JAKMIP3: variants seen among roughly 807,000 people sequenced by gnomAD.
JAKMIP3 encodes janus kinase and microtubule-interacting protein 3.
JAKMIP3 carries 58 observed loss-of-function variants against 118.5 expected under a neutral mutation model. That is an observed-to-expected ratio of 0.49 (90% CI 0.40 to 0.61). JAKMIP3 has a LOEUF of 0.61. Among genes scored for constraint, JAKMIP3 ranks in the 20% least tolerant of loss-of-function variants. The pLI, the probability that JAKMIP3 is intolerant of heterozygous loss-of-function variation, is 0.00. For synonymous variants in JAKMIP3, 486 were observed against 451.2 expected, an observed-to-expected ratio of 1.08 and a Z score of -0.98; for missense variants, 950 against 1,109.0, an observed-to-expected ratio of 0.86 and a Z score of 2.04.
chr10:132,180,697 G>A (rs780909568), intron 23 of JAKMIP3, among the ~76,000 whole-genome samples: 1 of 27,130 alleles, frequency 3.7e-5, no homozygotes, highest in Non-Finnish European at 7.0e-5. Flanking sequence ...GTGTGCGTGC[G>A]TGTGTGTGTG....
At chr10:132,096,394 C>T (rs979648734) in intron 1 of JAKMIP3, among the ~76,000 whole-genome samples, 1 of 152,178 alleles carries the variant, frequency 6.6e-6, no homozygotes, top group Non-Finnish European at 1.5e-5. Flanking sequence ...GAGAGTGACT[C>T]ATACAACATG....
chr10:132,149,139 C>T (rs531412091), intron 14 of JAKMIP3, among the ~76,000 whole-genome samples: 142 of 152,228 alleles, frequency 9.3e-4, no homozygotes, highest in African/African-American at 3.3e-3. Context: ...CCCGTGGGCT[C>T]AGGGTGGGAC....
At chr10:132,080,083 C>T (rs540993793) in intron 1 of JAKMIP3, among the ~76,000 whole-genome samples, 39 of 152,292 alleles carry the variant, frequency 2.6e-4, no homozygotes, top group Non-Finnish European at 5.1e-4. Context: ...AGGAGGCTGA[C>T]GCAGGATAAT....
chr10:132,095,426 G>A (rs996390758), intron 1 of JAKMIP3, among the ~76,000 whole-genome samples: 2 of 152,102 alleles, frequency 1.3e-5, no homozygotes, highest in African/African-American at 2.4e-5. Context: ...CCTGTATTTC[G>A]CTCGACTCAG....
At chr10:132,152,931 GCAC>G (rs2056475561) in intron 16 of JAKMIP3, 24 bp from the exon 17 acceptor site, 11 of 1,577,170 alleles carry the variant, frequency 7.0e-6, no homozygotes, top group Non-Finnish European at 9.5e-6. Flanking sequence ...GCTTCTGACC[GCAC>G]CTGTGTTCTG....
At chr10:132,172,951 TTC>T (rs1243040790) in intron 23 of JAKMIP3, among the ~76,000 whole-genome samples, 1 of 125,664 alleles carries the variant, frequency 8.0e-6, no homozygotes, top group Non-Finnish European at 1.7e-5. Context: ...CTCTACTTCC[TTC>T]TCTCTCTCCT....
Position 132,133,439 on chromosome 10 carries a change from G to C in JAKMIP3, c.761G>C (p.Arg254Pro). The C allele has an allele frequency of 6.3e-7, 1 of 1,589,820 alleles. No individual in the cohort carries two copies. The highest frequency in any genetic ancestry group is 8.6e-7 in the Non-Finnish European group (1 of 1,168,702). ...CTAGATGAGCAGCTGTCCCAGGTCC[G>C]AGAGGCCGACCGGCACCCGGGCAGC... ...EALDEQLSQV[R>P]EADRHPGSPR... The change falls in exon 4 of 24, where the codon CGA (arginine) becomes CCA (proline). Residue 254 changes from arginine (R) to proline (P), a missense_variant. Physicochemically the swap from Arg to Pro is moderately radical, Grantham distance 103. Coordinates refer to ENST00000684848, the MANE Select transcript of JAKMIP3 (RefSeq NM_001323087.2).
chr10:132,156,801 C>T (rs560709826), intron 19 of JAKMIP3, among the ~76,000 whole-genome samples: 5 of 152,208 alleles, frequency 3.3e-5, no homozygotes, highest in African/African-American at 9.6e-5. Context: ...AAGGATTATG[C>T]GGAGGTTTTT....
Position 132,145,588 on chromosome 10 carries a change from C to A in JAKMIP3, c.1749+8C>A. The A allele has an allele frequency of 6.4e-7, 1 of 1,559,096 alleles. No individual in the cohort carries two copies. The highest frequency in any genetic ancestry group is 8.7e-7 in the Non-Finnish European group (1 of 1,151,688). ...CAAGAGCTTGTGGAAAAGGTGAGCCCCGAACCCCTGGAGGCCCTGGCAGGA... is the reference window on the plus strand; with the variant it reads ...CAAGAGCTTGTGGAAAAGGTGAGCCACGAACCCCTGGAGGCCCTGGCAGGA... On this transcript the variant is annotated splice_region_variant and intron_variant, in intron 13 of 23. Transcript: ENST00000684848.
chr10:132,130,324 C>T (rs2050330714), intron 3 of JAKMIP3, among the ~76,000 whole-genome samples: 1 of 152,260 alleles, frequency 6.6e-6, no homozygotes, highest in African/African-American at 2.4e-5. Context: ...TTAAGACCCT[C>T]TGTGCTAGGA....
At chr10:132,132,833 A>G (rs2818392) in intron 3 of JAKMIP3, among the ~76,000 whole-genome samples, 115,889 of 152,222 alleles carry the variant, frequency 0.76, 45,438 homozygotes, top group East Asian at 0.99. Context: ...CTTTCAGGCC[A>G]GAATTTCTGT....
chr10:132,157,825 A>G (rs919010744), intron 19 of JAKMIP3, among the ~76,000 whole-genome samples: 1 of 152,168 alleles, frequency 6.6e-6, no homozygotes, highest in African/African-American at 2.4e-5. Context: ...GACATGGCAA[A>G]TATTTCACCC....
chr10:132,169,111 G>A (rs1332195155), intron 23 of JAKMIP3, 78 bp downstream of exon 23: 3 of 152,602 alleles, frequency 2.0e-5, no homozygotes, highest in African/African-American at 7.2e-5. Flanking sequence ...TCACACCTCT[G>A]TGTCCCCGTC....
intron 3 of JAKMIP3, among the ~76,000 whole-genome samples, chr10:132,125,727 A>G (rs532485384): frequency 6.6e-6 from 1 of 152,330 alleles, no homozygotes; most frequent in South Asian, 2.1e-4. Context: ...TTAACGTTTC[A>G]TGCTATTATA....
chr10:132,158,624 G>A (rs1021546474), intron 19 of JAKMIP3, among the ~76,000 whole-genome samples: 4 of 150,910 alleles, frequency 2.7e-5, no homozygotes, highest in Non-Finnish European at 5.9e-5. Flanking sequence ...AGATGCTGTG[G>A]GAGGAGCATC....
chr10:132,080,624 C>T (rs536001821), intron 1 of JAKMIP3, among the ~76,000 whole-genome samples: 3 of 145,698 alleles, frequency 2.1e-5, no homozygotes, highest in African/African-American at 7.6e-5. Context: ...CAGGTTCAAG[C>T]GATTCTCCTG....
At chr10:132,110,275 C>A (rs1349994810) in intron 2 of JAKMIP3, among the ~76,000 whole-genome samples, 1 of 152,234 alleles carries the variant, frequency 6.6e-6, no homozygotes, top group Non-Finnish European at 1.5e-5. Context: ...CATCTGGTGG[C>A]CTCCACCAGC....
rs2818384 is a variant in JAKMIP3, at chr10:132,147,990, C to T, written c.1788C>T (p.His596=). 0.59 allele frequency: 946,267 copies of T among 1,607,308 alleles called. 288,033 individuals carry two copies. The highest frequency in any genetic ancestry group is 0.77 in the Admixed American group (45,856 of 59,428). Residue 596 remains histidine, a synonymous_variant, in exon 14 of 24, where the codon CAC becomes CAT. Transcript: ENST00000684848. ...QMETEEARLR[H]EVQDARDQNE... ...AGACGGAAGAGGCTCGGCTCAGACA[C>T]GAGGTGCAGGACGCCAGAGACCAAA...
At chr10:132,106,541 T>G in intron 2 of JAKMIP3, among the ~76,000 whole-genome samples, 1 of 152,054 alleles carries the variant, frequency 6.6e-6, no homozygotes, top group East Asian at 1.9e-4. Flanking sequence ...TGCTGAGGCT[T>G]CGGGGCACAG....
Sources: gnomAD v4.1 joint callset for allele counts (sites outside exome capture counted in the v4.1 genomes callset) on GRCh38, gnomAD v4.1.1 for gene constraint, MANE v1.5 for transcripts, NCBI Gene and HGNC (gene_info 2026-07-23, HGNC 2026-07-21) for gene names.